Variants in ERCC5 observed in about 807,000 individuals in gnomAD.
The protein encoded by ERCC5 is ERCC excision repair 5, endonuclease.
In ERCC5, 68 loss-of-function variants were observed where a neutral mutation model predicts 105.6. The ratio of observed to expected loss-of-function variants is 0.64; its 90% CI spans 0.53 to 0.79. The LOEUF (loss-of-function observed/expected upper bound fraction) is 0.79, where lower values mean the gene tolerates loss of function less well. Ranked by LOEUF, ERCC5 falls within the 30% of genes least tolerant of loss-of-function variation. The pLI is 0.00. For missense variants in ERCC5, 1,373 were observed against 1,426.7 expected (o/e 0.96, Z 0.61); for synonymous variants, 546 against 526.2 (o/e 1.04, Z -0.51).
rs2140528179 is a variant in ERCC5, at chr13:102,862,726, C to G, written c.1577C>G (p.Ser526Cys). The G allele has an allele frequency of 6.2e-7, 1 of 1,614,204 alleles. No individual in the cohort carries two copies. The highest frequency in any genetic ancestry group is 8.5e-7 in the Non-Finnish European group (1 of 1,180,036). ...LPNGRELTPASPTCTNSVSKN... is the reference protein window; with the variant it reads ...LPNGRELTPACPTCTNSVSKN... ...AATGGAAGGGAACTGACACCGGCATCTCCAACTTGTACAAATTCTGTGTCA... is the reference window on the plus strand; with the variant it reads ...AATGGAAGGGAACTGACACCGGCATGTCCAACTTGTACAAATTCTGTGTCA... Residue 526 changes from serine to cysteine, a missense_variant, in exon 8 of 15, where the codon TCT (serine) becomes TGT (cysteine). Transcript: ENST00000652225.
At chr13:102,846,438 A>G in intron 1 of ERCC5, 84 bp downstream of exon 1, 1 of 1,192,418 alleles carries the variant, frequency 8.4e-7, no homozygotes, top group Non-Finnish European at 1.2e-6. Flanking sequence ...GCACAGTGGC[A>G]TCTGCAGGAT....
Position 102,853,861 on chromosome 13 carries a change from C to A in ERCC5, c.369C>A (p.Phe123Leu). The part of the protein sequence containing the change: ...FLKRQAIKTA[F>L]RSKRDEALPS... ...AAAGACAAGCCATCAAAACTGCCTT[C>A]AGAAGCAAAAGGCAAGAGGAAAATT... The change falls in exon 3 of 15, where the codon TTC (phenylalanine) becomes TTA (leucine). Residue 123 changes from phenylalanine (F) to leucine (L), a missense_variant. Coordinates refer to ENST00000652225, the MANE Select transcript of ERCC5 (RefSeq NM_000123.4). 1 of 1,614,168 alleles carries A rather than the reference C, an allele frequency of 6.2e-7. No homozygotes were observed.
At chr13:102,855,745 G>T (rs4150281) in intron 4 of ERCC5, among the ~76,000 whole-genome samples, 1 of 151,980 alleles carries the variant, frequency 6.6e-6, no homozygotes, top group African/African-American at 2.4e-5. Context: ...TCATTAATTC[G>T]TGGCTAACTC....
At chr13:102,874,738 T>C (rs1228618016) in intron 14 of ERCC5, 2 of 152,862 alleles carry the variant, frequency 1.3e-5, no homozygotes, top group Non-Finnish European at 1.5e-5. Context: ...TAAGCCAGAA[T>C]GGTCTCGATC....
Position 102,862,470 on chromosome 13 carries a change from C to T in ERCC5, c.1321C>T (p.Pro441Ser), listed in dbSNP as rs2140527651. Residue 441 changes from proline to serine, a missense_variant, in exon 8 of 15, where the codon CCG becomes TCG. By Grantham distance (74) the Pro-to-Ser change is moderately conservative (BLOSUM62 -1). Transcript: ENST00000652225. ...TAAAGTGAGAGATGGAAAAGGAATACCGTTTACTGCAACACTTGCGTCATC... is the reference window on the plus strand; with the variant it reads ...TAAAGTGAGAGATGGAAAAGGAATATCGTTTACTGCAACACTTGCGTCATC... ...GLKVRDGKGI[P>S]FTATLASSSV... 6.2e-7 allele frequency: 1 copy of T among 1,613,940 alleles called. No individual in the cohort carries two copies.
At chr13:102,855,061 A>G (rs1425164891) in intron 4 of ERCC5, among the ~76,000 whole-genome samples, 1 of 151,960 alleles carries the variant, frequency 6.6e-6, no homozygotes, top group African/African-American at 2.4e-5. Context: ...CATTGCTACC[A>G]CTGTCATTTT....
At chr13:102,874,001 G>A (rs1021627285) in intron 14 of ERCC5, among the ~76,000 whole-genome samples, 1 of 152,162 alleles carries the variant, frequency 6.6e-6, no homozygotes, top group Non-Finnish European at 1.5e-5. Context: ...ATTAGGCTTG[G>A]ATAATTTTGA....
chr13:102,853,768 G>T lies in ERCC5; in HGVS notation c.276G>T (p.Arg92Ser). 1 of 1,614,102 alleles carries T rather than the reference G, an allele frequency of 6.2e-7. No individual in the cohort carries two copies. Among genetic ancestry groups the T allele is most frequent in the Non-Finnish European group, 8.5e-7 (1 of 1,179,986 alleles). Residue 92 changes from arginine (R) to serine (S), a missense_variant, in exon 3 of 15, where the codon AGG becomes AGT. Physicochemically the swap from Arg to Ser is moderately radical, Grantham distance 110. This residue lies in a region of ERCC5 where 1,004 missense variants were observed against 1,059.7 expected (regional missense o/e 0.95). Coordinates refer to ENST00000652225, the MANE Select transcript of ERCC5 (RefSeq NM_000123.4). ...CTTTCTTCTCATAGGTGAAGAGAAG[G>T]CAGAGAAAGGACTTAGCGTCCAGTG... ...LLKKQTLVKR[R>S]QRKDLASSDS... is the part of the protein sequence containing the mutation.
In ERCC5 at chr13:102,873,350, A is replaced by G; in HGVS notation, c.2964+7A>G. 1.2e-6 allele frequency: 2 copies of G among 1,614,132 alleles called. No homozygotes were observed. Among genetic ancestry groups the G allele is most frequent in the Non-Finnish European group, 1.7e-6 (2 of 1,179,982 alleles). ...GCAACTCGATGCCCAGCAGGTAATCATGGTGGACCCTTCTCCTAAGTTCAG... is the reference window on the plus strand; with the variant it reads ...GCAACTCGATGCCCAGCAGGTAATCGTGGTGGACCCTTCTCCTAAGTTCAG... On this transcript the variant is annotated splice_region_variant and intron_variant, in intron 14 of 14. Coordinates refer to ENST00000652225, the MANE Select transcript of ERCC5 (RefSeq NM_000123.4).
At chr13:102,857,787 T>TATA (rs1882479230) in intron 5 of ERCC5, among the ~76,000 whole-genome samples, 2 of 152,232 alleles carry the variant, frequency 1.3e-5, no homozygotes, top group Non-Finnish European at 2.9e-5. Context: ...GGCTCTTTGA[T>TATA]ATCTTCCAAG....
intron 1 of ERCC5, among the ~76,000 whole-genome samples, chr13:102,847,828 T>A (rs1444944725): frequency 6.6e-6 from 1 of 152,192 alleles, no homozygotes; most frequent in Admixed American, 6.5e-5. Context: ...CAGCAAAGAT[T>A]TAGATCATTT....
chr13:102,875,610 G>C lies in ERCC5; in HGVS notation c.3268G>C (p.Glu1090Gln). 1 of 1,613,480 alleles carries C rather than the reference G, an allele frequency of 6.2e-7. No individual in the cohort carries two copies. Among genetic ancestry groups the C allele is most frequent in the Admixed American group, 1.7e-5 (1 of 59,918 alleles). ...GKNTCGGFLG[E>Q]TCLSESSDGS... The stretch of plus-strand genomic sequence containing the variant: ...GAATACATGCGGTGGATTTTTGGGG[G>C]AGACCTGCCTCTCAGAATCATCTGA... Residue 1090 changes from glutamate (E) to glutamine (Q), a missense_variant, in exon 15 of 15, where the codon GAG becomes CAG. Physicochemically the swap from Glu to Gln is conservative, Grantham distance 29. This residue lies in a region of ERCC5 where 367 missense variants were observed against 350.2 expected (regional missense o/e 1.05). Coordinates refer to ENST00000652225, the MANE Select transcript of ERCC5 (RefSeq NM_000123.4).
chr13:102,872,255 C>CA lies in ERCC5; in HGVS notation c.2739dup (p.Val914SerfsTer16). 6.2e-7 allele frequency: 1 copy of CA among 1,613,856 alleles called. No homozygotes were observed. ...AGATAAGACCTAATCCTCATGACACCAAAGTGAAAAAAAAATTACGGACAT... is the reference window on the plus strand; with the variant it reads ...AGATAAGACCTAATCCTCATGACACCAAAAGTGAAAAAAAAATTACGGACAT... On this transcript the variant is annotated frameshift_variant, in exon 13 of 15. Transcript: ENST00000652225. LOFTEE classifies it high-confidence loss of function.
rs1883094273 is a variant in ERCC5, at chr13:102,873,301, T to C, written c.2922T>C (p.Asp974=). 2 of 1,614,058 alleles carry C rather than the reference T, an allele frequency of 1.2e-6. No homozygotes were observed. The highest frequency in any genetic ancestry group is 3.3e-5 in the Admixed American group (2 of 60,008). The part of the protein sequence containing the change: ...RYFGWNRTKT[D]ESLFPVLKQL... ...TCGGCTGGAACAGAACGAAGACAGA[T>C]GAATCTCTGTTTCCTGTATTAAAGC... Residue 974 remains aspartate (D), a synonymous_variant, in exon 14 of 15, where the codon GAT becomes GAC. Transcript: ENST00000652225.
rs1340624084 is a variant in ERCC5 at position 102,862,093 on chromosome 13, A to G, written c.944A>G (p.His315Arg). The G allele has an allele frequency of 6.2e-7, 1 of 1,614,116 alleles. No homozygotes were observed. The highest frequency in any genetic ancestry group is 8.5e-7 in the Non-Finnish European group (1 of 1,180,050). ...SESLPSSSKM[H>R]GMSFDVKSSP... ...TCTCTTCCTTCTTCCAGCAAAATGC[A>G]CGGCATGTCTTTTGACGTGAAGTCA... is the stretch of plus-strand genomic sequence containing the variant. Residue 315 changes from histidine to arginine, a missense_variant, in exon 8 of 15, where the codon CAC (histidine) becomes CGC (arginine). Around this residue, in one of 3 missense-constraint regions of ERCC5, gnomAD observed 1,004 missense variants for 1,059.7 expected, o/e 0.95. Transcript: ENST00000652225.
intron 8 of ERCC5, among the ~76,000 whole-genome samples, chr13:102,864,078 GT>G (rs1459647045): frequency 6.7e-6 from 1 of 149,834 alleles, no homozygotes; most frequent in African/African-American, 2.5e-5. Flanking sequence ...CTAATTTAGT[GT>G]TCACAGAGAC....
chr13:102,871,751 G>A (rs2140538142), intron 12 of ERCC5, among the ~76,000 whole-genome samples: 1 of 152,068 alleles, frequency 6.6e-6, no homozygotes, highest in South Asian at 2.1e-4. Flanking sequence ...TATTGTATTT[G>A]ATTTGAGGTA....
chr13:102,858,415 A>C lies in ERCC5; in HGVS notation c.669A>C (p.Pro223=), dbSNP rs541094745. ...GAAGAACATTATTTGAAGCAATGCC[A>C]GAGGTGAAATATGCAACAGTACATT... ...KRRRTLFEAM[P]EESDDFSQYQ... is the part of the protein sequence containing the mutation. Residue 223 remains proline, a synonymous_variant, in exon 6 of 15, where the codon CCA becomes CCC. Coordinates refer to ENST00000652225, the MANE Select transcript of ERCC5 (RefSeq NM_000123.4). The C allele has an allele frequency of 2.5e-5, 41 of 1,614,174 alleles. No individual in the cohort carries two copies. In the South Asian group the frequency reaches 4.0e-4, roughly 16 times the overall value.
intron 1 of ERCC5, chr13:102,849,410 C>T (rs767000564): frequency 1.2e-5 from 6 of 518,848 alleles, no homozygotes; most frequent in African/African-American, 3.9e-5. Flanking sequence ...AGATAGGGAC[C>T]GTCTCTGTTT....
Sources: gnomAD v4.1 joint callset for allele counts (sites outside exome capture counted in the v4.1 genomes callset) on GRCh38, gnomAD v4.1.1 for gene constraint, gnomAD v4.1.1 regional missense constraint, MANE v1.5 for transcripts, NCBI Gene and HGNC (gene_info 2026-07-23, HGNC 2026-07-21) for gene names.